The following ERI3 variants were observed in gnomAD, a reference collection of about 807,000 sequenced individuals.
ERI3 encodes ERI1 exoribonuclease family member 3, also known as ERI1 exoribonuclease 3.
ERI3 carries 18 observed loss-of-function variants against 44.4 expected under a neutral mutation model. That is an observed-to-expected ratio of 0.41 (90% CI 0.28 to 0.60). ERI3 has a LOEUF of 0.60. Ranked by LOEUF, ERI3 falls within the 20% of genes least tolerant of loss-of-function variation. The probability of loss-of-function intolerance (pLI) is 0.36; values close to 1 mark genes in which losing one functional copy is unlikely to be tolerated. For missense variants in ERI3, 294 were observed against 435.5 expected, an observed-to-expected ratio of 0.68 and a Z score of 2.89; for synonymous variants, 183 against 164.8, an observed-to-expected ratio of 1.11 and a Z score of -0.84.
intron 7 of ERI3, among the ~76,000 whole-genome samples, chr1:44,259,689 G>GACACACACAC (rs58901342): frequency 0.026 from 3,599 of 140,328 alleles, 81 homozygotes; most frequent in African/African-American, 0.053. Context: ...AAAACACACA[G>GACACACACAC]ACACACACAC....
chr1:44,335,764 G>A (rs1345603954), intron 3 of ERI3, among the ~76,000 whole-genome samples: 2 of 129,550 alleles, frequency 1.5e-5, no homozygotes, highest in East Asian at 2.3e-4. Context: ...CAACAAGAGC[G>A]AAACTCCATC....
rs1644107411 is a variant in ERI3 at position 44,228,744 on chromosome 1, A to G, written c.932-7104T>C. ...CACAGTGCCTGGAAACCCCTTTGCC[A>G]GCATCCCAGAACTGCCTGACCAGTA... On this transcript the variant is annotated intron_variant, in intron 8 of 8. Transcript: ENST00000372257. This position sits in a 1 kb window ranked among gnomAD's most constrained non-coding sequence, Gnocchi z 4.3. Among the ~76,000 whole-genome samples, 1 of 152,170 alleles carries G rather than the reference A, an allele frequency of 6.6e-6. No individual in the cohort carries two copies. Among genetic ancestry groups the G allele is most frequent in the Non-Finnish European group, 1.5e-5 (1 of 68,030 alleles).
chr1:44,256,529 A>G (rs919032007), intron 7 of ERI3, among the ~76,000 whole-genome samples: 2 of 152,178 alleles, frequency 1.3e-5, no homozygotes, highest in African/African-American at 4.8e-5. Flanking sequence ...GGCTACCAAC[A>G]TACTTCAGGG....
chr1:44,236,343 A>C (rs1013605335), intron 8 of ERI3, among the ~76,000 whole-genome samples: 1 of 152,208 alleles, frequency 6.6e-6, no homozygotes, highest in African/African-American at 2.4e-5. Flanking sequence ...GGGAACTTAC[A>C]ATCTAGTGAG....
chr1:44,282,697 T>C (rs1324725015), intron 7 of ERI3, among the ~76,000 whole-genome samples: 4 of 152,266 alleles, frequency 2.6e-5, no homozygotes, highest in South Asian at 4.1e-4. Flanking sequence ...TTAAGCACAT[T>C]TGCAATACAA....
At position 44,235,176 on chromosome 1, in the gene ERI3, C is replaced by A. The variant is rs1644275704; in HGVS notation, c.931+12763G>T. ...TTCAATATTGCCACCTTGCCTGACT[C>A]AGCTCCCAATGCATCCAAACCCCTT... is the stretch of plus-strand genomic sequence containing the variant. On this transcript the variant is annotated intron_variant, in intron 8 of 8. Coordinates refer to ENST00000372257, the MANE Select transcript of ERI3 (RefSeq NM_024066.3). This position sits in a 1 kb window ranked among gnomAD's most constrained non-coding sequence, Gnocchi z 4.6. Among the ~76,000 whole-genome samples, 1 of 152,200 alleles carries A rather than the reference C, an allele frequency of 6.6e-6. No individual in the cohort carries two copies. Among genetic ancestry groups the A allele is most frequent in the African/African-American group, 2.4e-5 (1 of 41,456 alleles).
chr1:44,301,164 C>A (rs1645718046), intron 6 of ERI3, among the ~76,000 whole-genome samples: 1 of 152,166 alleles, frequency 6.6e-6, no homozygotes, highest in Admixed American at 6.5e-5. Context: ...TTGGGGCTAA[C>A]CCGGTGCACC....
rs967958205 is a variant in ERI3, at chr1:44,279,399, A to AT, written c.831+5435dup. ...ATCACCAAGTCTGGCTAATTTTTAC[A>AT]TTTTTTTGTAGAGATGAGGTCTCAC... On this transcript the variant is annotated intron_variant, in intron 7 of 8. Coordinates refer to ENST00000372257, the MANE Select transcript of ERI3 (RefSeq NM_024066.3). Among the ~76,000 whole-genome samples the AT allele has an allele frequency of 7.2e-5, 11 of 151,910 alleles. No individual in the cohort carries two copies. The South Asian group carries it at 1.2e-3, about 17-fold the overall frequency.
chr1:44,284,071 T>C (rs1276874488), intron 7 of ERI3: 1 of 471,040 alleles, frequency 2.1e-6, no homozygotes. Flanking sequence ...ACTGCTGCCC[T>C]TAGGTCAGAA....
chr1:44,234,762 G>C (rs1397535175), intron 8 of ERI3, among the ~76,000 whole-genome samples: 1 of 152,092 alleles, frequency 6.6e-6, no homozygotes, highest in Non-Finnish European at 1.5e-5. Context: ...TAAGGCTTTT[G>C]AGACAGGGTT....
intron 3 of ERI3, among the ~76,000 whole-genome samples, chr1:44,323,203 T>C (rs1461866731): frequency 6.6e-6 from 1 of 152,240 alleles, no homozygotes; most frequent in Non-Finnish European, 1.5e-5. Context: ...TCAATTAAAC[T>C]ACCTGAGTGC....
intron 5 of ERI3, among the ~76,000 whole-genome samples, chr1:44,310,963 G>GCGCGCGCGCGCGCACACACACA (rs1373873768): frequency 1.6e-5 from 2 of 123,202 alleles, no homozygotes; most frequent in Non-Finnish European, 3.4e-5. Context: ...GCGCGCGCGC[G>GCGCGCGCGCGCGCACACACACA]CACACACACA....
intron 6 of ERI3, among the ~76,000 whole-genome samples, chr1:44,302,263 C>T (rs1260621535): frequency 1.3e-5 from 2 of 152,236 alleles, no homozygotes; most frequent in African/African-American, 2.4e-5. Flanking sequence ...CCCTATTTGG[C>T]AATATGTCTA....
chr1:44,282,093 T>C (rs1223098841), intron 7 of ERI3, among the ~76,000 whole-genome samples: 4 of 152,012 alleles, frequency 2.6e-5, no homozygotes, highest in African/African-American at 9.7e-5. Context: ...ACAGGGGAAG[T>C]AGGTGGCAGC....
intron 7 of ERI3, among the ~76,000 whole-genome samples, chr1:44,277,243 A>G (rs1174536475): frequency 6.6e-6 from 1 of 152,104 alleles, no homozygotes; most frequent in Non-Finnish European, 1.5e-5. Context: ...CCTTCCGCCT[A>G]AAGAGAGCCA....
At chr1:44,230,181 C>T (rs890795193) in intron 8 of ERI3, 2 of 152,088 alleles carry the variant, frequency 1.3e-5, no homozygotes, top group East Asian at 1.9e-4. Flanking sequence ...AAGATCATTA[C>T]ATTATATGTC....
chr1:44,347,527 G>C (rs1286373188), intron 2 of ERI3, among the ~76,000 whole-genome samples: 1 of 151,984 alleles, frequency 6.6e-6, no homozygotes, highest in Non-Finnish European at 1.5e-5. Context: ...TCCATTTTTT[G>C]CCAGACAAAT....
At chr1:44,331,181 T>C (rs1303653163) in intron 3 of ERI3, among the ~76,000 whole-genome samples, 1 of 152,182 alleles carries the variant, frequency 6.6e-6, no homozygotes, top group East Asian at 1.9e-4. Context: ...TGCCTCTTCA[T>C]CAGTCATTCC....
intron 2 of ERI3, among the ~76,000 whole-genome samples, chr1:44,346,522 G>A (rs1222022237): frequency 6.6e-6 from 1 of 152,166 alleles, no homozygotes; most frequent in African/African-American, 2.4e-5. Context: ...TCACACACGA[G>A]AAGGGGCAAA....
Sources: allele counts gnomAD v4.1 joint callset (sites outside exome capture counted in the v4.1 genomes callset), GRCh38; gene constraint gnomAD v4.1.1; non-coding constraint Gnocchi (gnomAD v3.1); transcripts MANE v1.5; gene names NCBI Gene and HGNC (gene_info 2026-07-23, HGNC 2026-07-21).